F13A1: variants seen among roughly 807,000 people sequenced by gnomAD.
F13A1 encodes the protein FSF, A subunit.
In F13A1, 47 loss-of-function variants were observed where a neutral mutation model predicts 80.1. The ratio of observed to expected loss-of-function variants is 0.59; its 90% CI spans 0.46 to 0.75. The LOEUF (loss-of-function observed/expected upper bound fraction) is 0.75, where lower values mean the gene tolerates loss of function less well. Among genes scored for constraint, F13A1 ranks in the 30% least tolerant of loss-of-function variants. The pLI, the probability that F13A1 is intolerant of heterozygous loss-of-function variation, is 0.00. For synonymous variants in F13A1, 349 were observed against 344.9 expected, an observed-to-expected ratio of 1.01 and a Z score of -0.13; for missense variants, 817 against 930.4, an observed-to-expected ratio of 0.88 and a Z score of 1.59.
intron 1 of F13A1, among the ~76,000 whole-genome samples, chr6:6,319,999 TGGCGC>T (rs895599528): frequency 1.4e-4 from 22 of 152,222 alleles, no homozygotes; most frequent in African/African-American, 4.8e-4. Context: ...CAGAACAGTG[TGGCGC>T]GCTGTCGGGA....
chr6:6,224,736 T>A lies in F13A1; in HGVS notation c.923A>T (p.Asn308Ile). ...DILLEYRSSE[N>I]PVRYGQCWVF... ...CCAGCATTGGCCATACCGGACTGGA[T>A]TCTCAGAGCTCCGGTATTCCAATAG... The change falls in exon 7 of 15, where the codon AAT becomes ATT. Residue 308 changes from asparagine to isoleucine, a missense_variant. Asn to Ile is a moderately radical substitution (Grantham distance 149, BLOSUM62 -3). Coordinates refer to ENST00000264870, the MANE Select transcript of F13A1 (RefSeq NM_000129.4). The A allele has an allele frequency of 1.9e-6, 3 of 1,614,118 alleles. No individual in the cohort carries two copies. Among genetic ancestry groups the A allele is most frequent in the African/African-American group, 1.3e-5 (1 of 75,054 alleles).
At chr6:6,239,947 G>A (rs1413972290) in intron 6 of F13A1, among the ~76,000 whole-genome samples, 3 of 152,160 alleles carry the variant, frequency 2.0e-5, no homozygotes, top group Non-Finnish European at 4.4e-5. Flanking sequence ...GGTGCATGAA[G>A]CTGTGCATAT....
At chr6:6,245,971 C>T (rs1757550258) in intron 6 of F13A1, among the ~76,000 whole-genome samples, 2 of 152,220 alleles carry the variant, frequency 1.3e-5, no homozygotes, top group Admixed American at 6.5e-5. Flanking sequence ...GCACCAGCCT[C>T]TGTTTTACCT....
chr6:6,220,606 A>C (rs1757178912), intron 8 of F13A1, among the ~76,000 whole-genome samples: 1 of 151,986 alleles, frequency 6.6e-6, no homozygotes, highest in South Asian at 2.1e-4. Flanking sequence ...TTTAAGGAAG[A>C]GATATGGAGA....
intron 8 of F13A1, among the ~76,000 whole-genome samples, chr6:6,214,804 G>A (rs1366952842): frequency 1.9e-5 from 1 of 52,820 alleles, no homozygotes; most frequent in Non-Finnish European, 3.7e-5. Flanking sequence ...AAGAAAAAAA[G>A]AGAGAAGAAT....
At chr6:6,179,354 C>G (rs1046570812) in intron 11 of F13A1, among the ~76,000 whole-genome samples, 1 of 152,120 alleles carries the variant, frequency 6.6e-6, no homozygotes, top group Non-Finnish European at 1.5e-5. Flanking sequence ...CCTGATCTTT[C>G]CATGATTTAA....
intron 13 of F13A1, among the ~76,000 whole-genome samples, chr6:6,158,077 A>C (rs1283175767): frequency 6.6e-6 from 1 of 152,142 alleles, no homozygotes; most frequent in Admixed American, 6.5e-5. Flanking sequence ...GAGGGGATGG[A>C]GAGTCAGCTA....
chr6:6,294,572 A>G (rs1437144091), intron 3 of F13A1, among the ~76,000 whole-genome samples: 1 of 150,960 alleles, frequency 6.6e-6, no homozygotes, highest in Admixed American at 6.6e-5. Flanking sequence ...GTATATGTAC[A>G]AACACACACA....
At chr6:6,253,164 G>A (rs3895269) in intron 4 of F13A1, among the ~76,000 whole-genome samples, 1,628 of 63,118 alleles carry the variant, frequency 0.026, 19 homozygotes, top group African/African-American at 0.065. Context: ...AAAAAAAAAA[G>A]AGAGAGAGAG....
chr6:6,148,235 C>T (rs1370283624), intron 14 of F13A1, among the ~76,000 whole-genome samples: 1 of 152,218 alleles, frequency 6.6e-6, no homozygotes, highest in Non-Finnish European at 1.5e-5. Flanking sequence ...AACCTCTGCA[C>T]ATCTGAGACA....
intron 13 of F13A1, among the ~76,000 whole-genome samples, chr6:6,158,357 T>C (rs889248267): frequency 1.1e-4 from 16 of 152,284 alleles, no homozygotes; most frequent in African/African-American, 3.9e-4. Flanking sequence ...TCTCTGGGCC[T>C]CAGCTTCTTA....
intron 10 of F13A1, among the ~76,000 whole-genome samples, chr6:6,191,156 C>A (rs1761190433): frequency 6.6e-6 from 1 of 152,212 alleles, no homozygotes; most frequent in Non-Finnish European, 1.5e-5. Context: ...CCCGGTACCT[C>A]AGATGGAAAT....
At chr6:6,181,170 C>G (rs1760976957) in intron 11 of F13A1, among the ~76,000 whole-genome samples, 2 of 152,118 alleles carry the variant, frequency 1.3e-5, no homozygotes, top group South Asian at 2.1e-4. Context: ...GTCTGGAAAC[C>G]CCTGTCCAGC....
chr6:6,224,924 T>C (rs2113063699), intron 6 of F13A1, 64 bp from the exon 7 acceptor site: 2 of 1,557,652 alleles, frequency 1.3e-6, no homozygotes, highest in Non-Finnish European at 1.8e-6. Flanking sequence ...CTCCAGGCTA[T>C]GCATGGCGCA....
chr6:6,219,443 G>A (rs903514614), intron 8 of F13A1, among the ~76,000 whole-genome samples: 4 of 152,160 alleles, frequency 2.6e-5, no homozygotes, highest in African/African-American at 9.7e-5. Context: ...CACTCTACCT[G>A]GATGACCTGA....
chr6:6,211,993 G>C (rs974029506), intron 8 of F13A1, among the ~76,000 whole-genome samples: 6 of 152,210 alleles, frequency 3.9e-5, no homozygotes, highest in African/African-American at 1.4e-4. Flanking sequence ...CGGCACACCA[G>C]GAGATTATAT....
chr6:6,244,272 T>C (rs1249250503), intron 6 of F13A1, among the ~76,000 whole-genome samples: 1 of 152,234 alleles, frequency 6.6e-6, no homozygotes, highest in African/African-American at 2.4e-5. Context: ...CAGAAATGCA[T>C]TGAAAAGAAA....
At chr6:6,214,679 C>CAG in intron 8 of F13A1, among the ~76,000 whole-genome samples, 1 of 98,418 alleles carries the variant, frequency 1.0e-5, no homozygotes, top group Non-Finnish European at 2.0e-5. Context: ...TAACTAAAAT[C>CAG]AGAGCAGAAC....
chr6:6,223,306 G>A (rs1232172383), intron 7 of F13A1, among the ~76,000 whole-genome samples: 1 of 152,214 alleles, frequency 6.6e-6, no homozygotes, highest in Non-Finnish European at 1.5e-5. Flanking sequence ...CGGATGTAAG[G>A]TGTTCACTAT....
Sources: gnomAD v4.1 joint callset for allele counts (sites outside exome capture counted in the v4.1 genomes callset) on GRCh38, gnomAD v4.1.1 for gene constraint, MANE v1.5 for transcripts, NCBI Gene and HGNC (gene_info 2026-07-23, HGNC 2026-07-21) for gene names.